Variants in RASGRF1 observed in about 807,000 individuals in gnomAD.
The protein encoded by RASGRF1 is ras-specific guanine nucleotide-releasing factor 1.
In RASGRF1, 40 loss-of-function variants were observed where a neutral mutation model predicts 138.7. That is an observed-to-expected ratio of 0.29 (90% CI 0.22 to 0.38). The LOEUF is 0.38. Among genes scored for constraint, RASGRF1 ranks in the 10% least tolerant of loss-of-function variants. The pLI is 1.00. For synonymous variants in RASGRF1, 614 were observed against 663.2 expected, an observed-to-expected ratio of 0.93 and a Z score of 1.14; for missense variants, 1,108 against 1,650.4, an observed-to-expected ratio of 0.67 and a Z score of 5.69.
At chr15:79,051,623 G>A (rs1380067682) in intron 3 of RASGRF1, among the ~76,000 whole-genome samples, 2 of 152,172 alleles carry the variant, frequency 1.3e-5, no homozygotes, top group Non-Finnish European at 2.9e-5. Context: ...ATGTGTGCTG[G>A]GCTTGGGGAA....
intron 24 of RASGRF1, among the ~76,000 whole-genome samples, chr15:78,978,220 G>GTTTTTTTTTTTTTTTT (rs71148584): frequency 8.0e-6 from 1 of 125,098 alleles, no homozygotes; most frequent in Admixed American, 7.5e-5. Flanking sequence ...CTTTTCTTTT[G>GTTTTTTTTTTTTTTTT]TTTTTTTTTT....
intron 26 of RASGRF1, among the ~76,000 whole-genome samples, chr15:78,962,996 G>C (rs1011184544): frequency 6.6e-6 from 1 of 152,224 alleles, no homozygotes; most frequent in Non-Finnish European, 1.5e-5. Flanking sequence ...TGGAAATGGA[G>C]GCTGTGTGAG....
At chr15:78,996,911 G>A (rs2056406642) in intron 19 of RASGRF1, among the ~76,000 whole-genome samples, 1 of 152,254 alleles carries the variant, frequency 6.6e-6, no homozygotes, top group Non-Finnish European at 1.5e-5. Context: ...CAGGACTTGG[G>A]GGAAAGTCTG....
intron 4 of RASGRF1, among the ~76,000 whole-genome samples, chr15:79,049,210 C>T (rs2057395919): frequency 6.6e-6 from 1 of 152,042 alleles, no homozygotes; most frequent in Non-Finnish European, 1.5e-5. Flanking sequence ...GAGTCCCAGG[C>T]CTGGGTTTCT....
intron 26 of RASGRF1, among the ~76,000 whole-genome samples, chr15:78,964,205 ATT>A: frequency 6.6e-6 from 1 of 151,446 alleles, no homozygotes; most frequent in East Asian, 1.9e-4. Context: ...GGGGAATTTC[ATT>A]CTTGTCACCC....
rs375739461 is a variant in RASGRF1 at position 78,990,276 on chromosome 15, G to A, written c.3132-3C>T. On this transcript the variant is annotated splice_region_variant and splice_polypyrimidine_tract_variant and intron_variant, in intron 21 of 26. Coordinates refer to ENST00000558480, the MANE Select transcript of RASGRF1 (RefSeq NM_001145648.3). ...TCCATCCTTGTCCGAAGAACTCCCTGTAGGAAGTAAGGGGAGACCCAGGTG... is the reference window on the plus strand; with the variant it reads ...TCCATCCTTGTCCGAAGAACTCCCTATAGGAAGTAAGGGGAGACCCAGGTG... The A allele has an allele frequency of 1.3e-6, 2 of 1,593,806 alleles. No homozygotes were observed. The highest frequency in any genetic ancestry group is 2.7e-5 in the African/African-American group (2 of 74,516).
Position 78,992,302 on chromosome 15 carries a change from C to T in RASGRF1, c.3028-508G>A, listed in dbSNP as rs533146814. 7.2e-5 allele frequency among the ~76,000 whole-genome samples: 11 copies of T among 152,374 alleles called. No individual in the cohort carries two copies. The East Asian group carries it at 2.1e-3, about 29-fold the overall frequency. ...CTGGGATGGCCCTGTGCTCAGAAGACAGCTGTCCTGCCTTAGTCCTGGGCC... is the reference window on the plus strand; with the variant it reads ...CTGGGATGGCCCTGTGCTCAGAAGATAGCTGTCCTGCCTTAGTCCTGGGCC... On this transcript the variant is annotated intron_variant, in intron 20 of 26. Transcript: ENST00000558480.
At chr15:79,007,715 C>G (rs959131134) in intron 13 of RASGRF1, among the ~76,000 whole-genome samples, 1 of 151,640 alleles carries the variant, frequency 6.6e-6, no homozygotes, top group Admixed American at 6.6e-5. Context: ...CTATGCCTCG[C>G]TAATTTTTGT....
rs376888273 is a variant in RASGRF1, at chr15:79,033,095, G to A, written c.959-779C>T. On this transcript the variant is annotated intron_variant, in intron 6 of 26. Coordinates refer to ENST00000558480, the MANE Select transcript of RASGRF1 (RefSeq NM_001145648.3). ...CTCTGCATTATCTAGTTCACCAGGT[G>A]GGGCCCTTTCTGCCTATAGTTCTGT... Among the ~76,000 whole-genome samples the A allele has an allele frequency of 5.9e-5, 9 of 152,224 alleles. No homozygotes were observed. The East Asian group carries it at 9.7e-4, about 16-fold the overall frequency.
At position 78,979,277 on chromosome 15, in the gene RASGRF1, C is replaced by T. The variant is rs551028426; in HGVS notation, c.3494+1343G>A. Reference sequence around the variant, plus strand: ...GAGCTGGCAAAGGACAGACCAAATGCGGCAGGAAGAAAACGCAAAGAGGAG... The same window carrying T: ...GAGCTGGCAAAGGACAGACCAAATGTGGCAGGAAGAAAACGCAAAGAGGAG... On this transcript the variant is annotated intron_variant, in intron 24 of 26. Transcript: ENST00000558480. 1.8e-4 allele frequency: 189 copies of T among 1,053,642 alleles called. 1 individual carries two copies. In the South Asian group the frequency reaches 2.6e-3, roughly 15 times the overall value. 65.3% of individuals were successfully genotyped at this position (1,053,642 alleles called of 1,614,324 possible).
intron 16 of RASGRF1, among the ~76,000 whole-genome samples, chr15:79,000,194 G>C (rs2056490522): frequency 6.6e-6 from 1 of 152,218 alleles, no homozygotes; most frequent in Non-Finnish European, 1.5e-5. Flanking sequence ...TCTTTCTGCA[G>C]CTCTCAACCC....
intron 12 of RASGRF1, 108 bp downstream of exon 12, chr15:79,017,662 A>G: frequency 2.3e-6 from 3 of 1,328,004 alleles, no homozygotes; most frequent in Non-Finnish European, 2.0e-6. Flanking sequence ...TCTGTAGAAC[A>G]GTGCAGCTAC....
intron 26 of RASGRF1, among the ~76,000 whole-genome samples, chr15:78,969,215 C>G (rs80333812): frequency 1.6e-4 from 24 of 152,338 alleles, no homozygotes; most frequent in South Asian, 1.5e-3. Context: ...TCCTCTACCC[C>G]CAAGACCAGT....
intron 26 of RASGRF1, among the ~76,000 whole-genome samples, chr15:78,963,978 T>C (rs2055595812): frequency 6.6e-6 from 1 of 151,982 alleles, no homozygotes; most frequent in African/African-American, 2.4e-5. Context: ...GTTTCCTCCG[T>C]AGTGAGCATG....
At chr15:79,081,843 G>A (rs1336180774) in intron 1 of RASGRF1, among the ~76,000 whole-genome samples, 1 of 152,232 alleles carries the variant, frequency 6.6e-6, no homozygotes, top group African/African-American at 2.4e-5. Context: ...TGTCAATGGA[G>A]TGTTAACATC....
At chr15:79,069,001 G>A (rs1227010873) in intron 1 of RASGRF1, among the ~76,000 whole-genome samples, 2 of 152,100 alleles carry the variant, frequency 1.3e-5, no homozygotes, top group African/African-American at 4.8e-5. Flanking sequence ...GCTTAGGCTT[G>A]GGGGTGGGGG....
chr15:79,074,054 A>G (rs1026870903), intron 1 of RASGRF1, among the ~76,000 whole-genome samples: 1 of 152,238 alleles, frequency 6.6e-6, no homozygotes, highest in Non-Finnish European at 1.5e-5. Context: ...TCTGCTGGGC[A>G]GGAGCTGCCC....
intron 4 of RASGRF1, among the ~76,000 whole-genome samples, chr15:79,047,967 C>T (rs570989159): frequency 1.0e-4 from 11 of 106,834 alleles, no homozygotes; most frequent in South Asian, 2.9e-4. Flanking sequence ...TGCCCGAGGC[C>T]CAAGAGCTAT....
At position 79,064,422 on chromosome 15, in the gene RASGRF1, G is replaced by A; in HGVS notation, c.381C>T (p.Ala127=). 1 of 1,613,636 alleles carries A rather than the reference G, an allele frequency of 6.2e-7. No individual in the cohort carries two copies. The highest frequency in any genetic ancestry group is 8.5e-7 in the Non-Finnish European group (1 of 1,179,568). ...CDEWVAAIAH[A]SYRTLATEHE... ...CTGCCCTGGGCAAGGAGACATACCTGGCATGTGCAATGGCTGCCACCCATT... is the reference window on the plus strand; with the variant it reads ...CTGCCCTGGGCAAGGAGACATACCTAGCATGTGCAATGGCTGCCACCCATT... Residue 127 remains alanine (A), a splice_region_variant and synonymous_variant, in exon 2 of 27, where the codon GCC becomes GCT. Transcript: ENST00000558480.
Sources: allele counts gnomAD v4.1 joint callset (sites outside exome capture counted in the v4.1 genomes callset), GRCh38; gene constraint gnomAD v4.1.1; transcripts MANE v1.5; gene names NCBI Gene and HGNC (gene_info 2026-07-23, HGNC 2026-07-21).